KCNQ4: variants seen among roughly 807,000 people sequenced by gnomAD.
The protein encoded by KCNQ4 is potassium voltage-gated channel subfamily Q member 4, also known as potassium voltage-gated channel subfamily KQT member 4.
A neutral mutation model predicts 72.6 loss-of-function variants in KCNQ4; 31 were observed. The ratio of observed to expected loss-of-function variants is 0.43; its 90% CI spans 0.32 to 0.58. KCNQ4 has a LOEUF of 0.58. Among genes scored for constraint, KCNQ4 ranks in the 20% least tolerant of loss-of-function variants. The pLI, the probability that KCNQ4 is intolerant of heterozygous loss-of-function variation, is 0.08. For missense variants in KCNQ4, 869 were observed against 962.6 expected (o/e 0.90, Z 1.29); for synonymous variants, 405 against 403.7 (o/e 1.00, Z -0.04).
At chr1:40,807,432 C>T (rs1398918709) in intron 1 of KCNQ4, among the ~76,000 whole-genome samples, 7 of 152,198 alleles carry the variant, frequency 4.6e-5, no homozygotes, top group Admixed American at 6.5e-5. Context: ...GCAGTGGCGG[C>T]GGCCCTGGTG....
At chr1:40,816,280 A>G (rs1648083313) in intron 1 of KCNQ4, among the ~76,000 whole-genome samples, 1 of 152,036 alleles carries the variant, frequency 6.6e-6, no homozygotes, top group African/African-American at 2.4e-5. Context: ...CATCCTAAAG[A>G]GGGGTGCTCC....
chr1:40,809,802 C>G (rs12736424), intron 1 of KCNQ4, among the ~76,000 whole-genome samples: 60,125 of 151,932 alleles, frequency 0.4, 12,192 homozygotes, highest in Middle Eastern at 0.49. Context: ...CGGTGGCTCA[C>G]GCCTGTAATC....
chr1:40,824,888 T>C (rs1648431115), intron 9 of KCNQ4, among the ~76,000 whole-genome samples: 1 of 152,254 alleles, frequency 6.6e-6, no homozygotes, highest in Non-Finnish European at 1.5e-5. Context: ...CTTGGGGTTC[T>C]GTTTCCTTCC....
Position 40,817,113 on chromosome 1 carries a change from A to G in KCNQ4, c.315-152A>G, listed in dbSNP as rs1648107720. The G allele has an allele frequency of 1.4e-6, 1 of 693,738 alleles. No homozygotes were observed. The highest frequency in any genetic ancestry group is 2.7e-5 in the East Asian group (1 of 36,644). The allele number at this position is 693,738 out of a possible 1,614,324, so 43.0% of individuals were successfully genotyped here. The stretch of plus-strand genomic sequence containing the variant: ...CTGCTGCCTTTGGTGCCCAGCACAG[A>G]GCTGTAACTCCAGGGAATTCCAATT... On this transcript the variant is annotated intron_variant, in intron 1 of 13. Coordinates refer to ENST00000347132, the MANE Select transcript of KCNQ4 (RefSeq NM_004700.4). This position sits in a 1 kb window ranked among gnomAD's most constrained non-coding sequence, Gnocchi z 5.5.
At chr1:40,818,353 T>G (rs1315636660) in intron 3 of KCNQ4, 63 bp downstream of exon 3, 3 of 1,607,422 alleles carry the variant, frequency 1.9e-6, no homozygotes, top group Non-Finnish European at 2.5e-6. Context: ...ACGCCTTTAC[T>G]CCCAATCCCG....
At chr1:40,821,018 C>G (rs1648273403) in intron 7 of KCNQ4, among the ~76,000 whole-genome samples, 1 of 152,228 alleles carries the variant, frequency 6.6e-6, no homozygotes, top group South Asian at 2.1e-4. Context: ...AAACCCAAGC[C>G]TCACTCAGCC....
intron 1 of KCNQ4, among the ~76,000 whole-genome samples, chr1:40,814,107 G>T (rs1399415671): frequency 7.8e-6 from 1 of 128,894 alleles, no homozygotes; most frequent in East Asian, 2.3e-4. Context: ...AGACTGGAGT[G>T]CAATGGTGCC....
rs1648885648 is a variant in KCNQ4 at position 40,838,645 on chromosome 1, A to G, written c.*122A>G. The G allele has an allele frequency of 2.1e-6, 2 of 943,054 alleles. No individual in the cohort carries two copies. Among genetic ancestry groups the G allele is most frequent in the Non-Finnish European group, 3.4e-6 (2 of 593,556 alleles). The allele number at this position is 943,054 out of a possible 1,614,324, so 58.4% of individuals were successfully genotyped here. A position where few individuals can be genotyped will look rare whatever the true frequency, so the allele number is the denominator to read the frequency against. On this transcript the variant is annotated 3_prime_UTR_variant, in exon 14 of 14. Coordinates refer to ENST00000347132, the MANE Select transcript of KCNQ4 (RefSeq NM_004700.4). Reference sequence around the variant, plus strand: ...ACTCCCTCACGGGGAGAGAGACCACACGCAGTATTGAGCTGCCTGAGTGGG... The same window carrying G: ...ACTCCCTCACGGGGAGAGAGACCACGCGCAGTATTGAGCTGCCTGAGTGGG...
rs1274624715 is a variant in KCNQ4, at chr1:40,788,338, CAG to C, written c.314+3936_314+3937del. Among the ~76,000 whole-genome samples the C allele has an allele frequency of 1.3e-5, 2 of 152,176 alleles. No individual in the cohort carries two copies. Among genetic ancestry groups the C allele is most frequent in the Non-Finnish European group, 2.9e-5 (2 of 68,042 alleles). ...AGACCTCAGCTGGGCTAGGCCAGGG[CAG>C]AGAGTTGAAATTGCTCCTGCTTCCT... is the stretch of plus-strand genomic sequence containing the variant. On this transcript the variant is annotated intron_variant, in intron 1 of 13. Coordinates refer to ENST00000347132, the MANE Select transcript of KCNQ4 (RefSeq NM_004700.4). This position sits in a 1 kb window ranked among gnomAD's most constrained non-coding sequence, Gnocchi z 4.5.
rs1648930576 is a variant in KCNQ4 at position 40,840,030 on chromosome 1, A to AG, written c.*1511dup. 6.6e-6 allele frequency: 1 copy of AG among 152,260 alleles called. No homozygotes were observed. Among genetic ancestry groups the AG allele is most frequent in the African/African-American group, 2.4e-5 (1 of 41,450 alleles). The allele number at this position is 152,260 out of a possible 1,614,324, so 9.4% of individuals were successfully genotyped here. On this transcript the variant is annotated 3_prime_UTR_variant, in exon 14 of 14. Transcript: ENST00000347132. ...AGCCAATGCAGGTGGCAGGAAGGTGAGGGGTAGTGGACCAATGGCAACCCT... is the reference window on the plus strand; with the variant it reads ...AGCCAATGCAGGTGGCAGGAAGGTGAGGGGGTAGTGGACCAATGGCAACCCT...
At chr1:40,830,509 C>T (rs72661517) in intron 9 of KCNQ4, among the ~76,000 whole-genome samples, 3,676 of 152,228 alleles carry the variant, frequency 0.024, 72 homozygotes, top group Non-Finnish European at 0.035. Context: ...CACACGCCAA[C>T]ATATGTACAC....
Position 40,822,304 on chromosome 1 carries a change from A to C in KCNQ4, c.1042-10A>C. The stretch of plus-strand genomic sequence containing the variant: ...TGATGCCCCATCCCCCACGTCCCCC[A>C]TACCACCAGGCTGCCTGGCGCCTGT... On this transcript the variant is annotated splice_polypyrimidine_tract_variant and intron_variant, in intron 7 of 13. Coordinates refer to ENST00000347132, the MANE Select transcript of KCNQ4 (RefSeq NM_004700.4). 6.2e-7 allele frequency: 1 copy of C among 1,613,156 alleles called. No individual in the cohort carries two copies. Among genetic ancestry groups the C allele is most frequent in the East Asian group, 2.2e-5 (1 of 44,858 alleles).
At chr1:40,808,624 G>A (rs1223959467) in intron 1 of KCNQ4, among the ~76,000 whole-genome samples, 1 of 152,004 alleles carries the variant, frequency 6.6e-6, no homozygotes, top group Non-Finnish European at 1.5e-5. Flanking sequence ...CCTTCCCACA[G>A]CCTCCTCCCA....
intron 9 of KCNQ4, among the ~76,000 whole-genome samples, chr1:40,825,393 G>C (rs535238573): frequency 6.6e-6 from 1 of 152,180 alleles, no homozygotes; most frequent in East Asian, 1.9e-4. Flanking sequence ...GTGTCCTGGC[G>C]GAAAATCGGC....
At position 40,838,510 on chromosome 1, in the gene KCNQ4, C is replaced by T; in HGVS notation, c.2075C>T (p.Thr692Ile). The T allele has an allele frequency of 6.2e-7, 1 of 1,614,082 alleles. No homozygotes were observed. Among genetic ancestry groups the T allele is most frequent in the Non-Finnish European group, 8.5e-7 (1 of 1,179,908 alleles). The change falls in exon 14 of 14, where the codon ACC (threonine) becomes ATC (isoleucine). Residue 692 changes from threonine to isoleucine, a missense_variant. Physicochemically the swap from Thr to Ile is moderately conservative, Grantham distance 89 (BLOSUM62 -1). Coordinates refer to ENST00000347132, the MANE Select transcript of KCNQ4 (RefSeq NM_004700.4). ...CTCAGCATCTCCCGCTCGGTCAGCA[C>T]CAACATGGACTGAGGGACTTCTCAG... ...QTLSISRSVS[T>I]NMD
chr1:40,837,824 C>A, intron 13 of KCNQ4, 30 bp downstream of exon 13: 1 of 1,592,498 alleles, frequency 6.3e-7, no homozygotes, highest in South Asian at 1.1e-5. Flanking sequence ...GCGGAGCTGG[C>A]CATACCAAGA....
chr1:40,785,449 C>T (rs1225120078), intron 1 of KCNQ4, among the ~76,000 whole-genome samples: 17 of 152,194 alleles, frequency 1.1e-4, no homozygotes, highest in Admixed American at 1.0e-3. Context: ...GGCCCTTTGG[C>T]GCTGGGGTCT....
chr1:40,795,009 G>A (rs1647369298), intron 1 of KCNQ4, among the ~76,000 whole-genome samples: 1 of 152,094 alleles, frequency 6.6e-6, no homozygotes, highest in African/African-American at 2.4e-5. Flanking sequence ...AGAATCAAGG[G>A]CTCACCCCTC....
intron 1 of KCNQ4, among the ~76,000 whole-genome samples, chr1:40,814,561 G>A (rs1648028216): frequency 1.3e-5 from 2 of 151,948 alleles, no homozygotes; most frequent in African/African-American, 2.4e-5. Context: ...AAAATTAGCC[G>A]GGTGTGGTGT....
Sources: gnomAD v4.1 joint callset for allele counts (sites outside exome capture counted in the v4.1 genomes callset) on GRCh38, gnomAD v4.1.1 for gene constraint, Gnocchi (gnomAD v3.1) non-coding constraint, MANE v1.5 for transcripts, NCBI Gene and HGNC (gene_info 2026-07-23, HGNC 2026-07-21) for gene names.